Variants in FBXO11 observed in about 807,000 individuals in gnomAD.
FBXO11 encodes F-box protein 11, also known as F-box only protein 11.
Under a neutral mutation model 117.0 loss-of-function variants are expected in FBXO11, and 13 were observed. That is an observed-to-expected ratio of 0.11 (90% CI 0.07 to 0.18). FBXO11 has a LOEUF of 0.18. Ranked by LOEUF, FBXO11 falls within the 10% of genes least tolerant of loss-of-function variation. The pLI, the probability that FBXO11 is intolerant of heterozygous loss-of-function variation, is 1.00. For synonymous variants in FBXO11, 490 were observed against 380.5 expected, an observed-to-expected ratio of 1.29 and a Z score of -3.35; for missense variants, 767 against 1,164.4, an observed-to-expected ratio of 0.66 and a Z score of 4.97.
intron 22 of FBXO11, 29 bp from the exon 23 acceptor site, chr2:47,808,276 A>G: frequency 1.2e-6 from 2 of 1,612,804 alleles, no homozygotes; most frequent in South Asian, 1.1e-5. Context: ...CAAATATTAG[A>G]AAAGTGAGGG....
At chr2:47,872,680 A>T (rs529999906) in intron 1 of FBXO11, among the ~76,000 whole-genome samples, 3 of 152,260 alleles carry the variant, frequency 2.0e-5, no homozygotes, top group African/African-American at 7.2e-5. Flanking sequence ...ACTTTATTAC[A>T]AGTACACAGT....
chr2:47,886,707 C>T (rs1347905029), intron 1 of FBXO11, among the ~76,000 whole-genome samples: 2 of 152,006 alleles, frequency 1.3e-5, no homozygotes, highest in Non-Finnish European at 2.9e-5. Flanking sequence ...TCTATTTATA[C>T]TGATACAGAA....
chr2:47,864,156 G>A (rs2103772996), intron 1 of FBXO11, among the ~76,000 whole-genome samples: 1 of 152,250 alleles, frequency 6.6e-6, no homozygotes. Context: ...ACATAACTAT[G>A]GTAGTTAAAC....
At chr2:47,876,038 T>A (rs2103864947) in intron 1 of FBXO11, among the ~76,000 whole-genome samples, 1 of 152,328 alleles carries the variant, frequency 6.6e-6, no homozygotes. Context: ...CAATTATACA[T>A]AAGGAAATTT....
intron 1 of FBXO11, among the ~76,000 whole-genome samples, chr2:47,899,126 T>C (rs988739122): frequency 1.6e-4 from 24 of 151,698 alleles, no homozygotes; most frequent in Non-Finnish European, 2.9e-4. Flanking sequence ...TACAAAAAAT[T>C]AGCCGGGCGT....
intron 1 of FBXO11, among the ~76,000 whole-genome samples, chr2:47,890,821 AATATTAT>A (rs1677204948): frequency 6.6e-6 from 1 of 151,454 alleles, no homozygotes; most frequent in East Asian, 1.9e-4. Flanking sequence ...GAAAAAAAAA[AATATTAT>A]TATTATTGAG....
intron 1 of FBXO11, among the ~76,000 whole-genome samples, chr2:47,893,350 G>A (rs1485649676): frequency 1.4e-5 from 2 of 147,954 alleles, no homozygotes; most frequent in East Asian, 1.9e-4. Flanking sequence ...ACATGTGTAT[G>A]TGCATATATA....
At chr2:47,890,537 G>A (rs1034139061) in intron 1 of FBXO11, among the ~76,000 whole-genome samples, 1 of 152,218 alleles carries the variant, frequency 6.6e-6, no homozygotes. Context: ...GGGCACGGTG[G>A]CTCACACCTG....
intron 4 of FBXO11, among the ~76,000 whole-genome samples, chr2:47,837,719 T>C (rs984533185): frequency 6.6e-6 from 1 of 152,156 alleles, no homozygotes; most frequent in Non-Finnish European, 1.5e-5. Flanking sequence ...ATATAGCATA[T>C]ACAATTTTGT....
rs993302095 is a variant in FBXO11 at position 47,827,921 on chromosome 2, T to A, written c.1398+4428A>T. Among the ~76,000 whole-genome samples, 29 of 151,880 alleles carry A rather than the reference T, an allele frequency of 1.9e-4. 1 individual carries two copies. Among genetic ancestry groups the A allele is most frequent in the African/African-American group, 6.8e-4 (28 of 41,380 alleles). ...CAAGTTAGCCAGGCTGGTCTCGAAC[T>A]CCTGGCCTCAAGTGATCCACCTGCC... On this transcript the variant is annotated intron_variant, in intron 11 of 22. Transcript: ENST00000403359.
intron 16 of FBXO11, among the ~76,000 whole-genome samples, chr2:47,816,743 AT>A (rs1273120225): frequency 6.6e-6 from 1 of 152,188 alleles, no homozygotes. Flanking sequence ...TGCATTGTCA[AT>A]GAGCAGTAAT....
At position 47,807,048 on chromosome 2, in the gene FBXO11, CTA is replaced by C. The variant is rs774349290; in HGVS notation, c.*1068_*1069del. 3 of 602,340 alleles carry C rather than the reference CTA, an allele frequency of 5.0e-6. No homozygotes were observed. Among genetic ancestry groups the C allele is most frequent in the Non-Finnish European group, 8.7e-6 (3 of 343,498 alleles). 37.3% of individuals were successfully genotyped at this position (602,340 alleles called of 1,614,324 possible). ...TTGAATACTCCACAATATATTAAGTCTAGATGTTATGGTACATGCATACACTT... is the reference window on the plus strand; with the variant it reads ...TTGAATACTCCACAATATATTAAGTCGATGTTATGGTACATGCATACACTT... On this transcript the variant is annotated 3_prime_UTR_variant, in exon 23 of 23. Transcript: ENST00000403359.
chr2:47,883,286 T>C (rs527281245), intron 1 of FBXO11, among the ~76,000 whole-genome samples: 1 of 152,136 alleles, frequency 6.6e-6, no homozygotes. Context: ...AGGAAGGAAA[T>C]AACAGGCTTC....
chr2:47,835,004 C>G (rs1045950775), intron 5 of FBXO11, 133 bp from the exon 6 acceptor site: 44 of 684,576 alleles, frequency 6.4e-5, no homozygotes, highest in Non-Finnish European at 9.7e-5. Flanking sequence ...AATTTTCTGT[C>G]AGAGTACAAT....
At position 47,820,050 on chromosome 2, in the gene FBXO11, C is replaced by T. The variant is rs74843016; in HGVS notation, c.1797+312G>A. Among the ~76,000 whole-genome samples the T allele has an allele frequency of 6.2e-4, 94 of 152,316 alleles. No individual in the cohort carries two copies. The East Asian group carries it at 0.013, about 22-fold the overall frequency. On this transcript the variant is annotated intron_variant, in intron 14 of 22. Coordinates refer to ENST00000403359, the MANE Select transcript of FBXO11 (RefSeq NM_001190274.2). ...ATTCTGGTGTAACAAATATAATAGA[C>T]TGCAAATGAACTGCTGCTGAGGCTA...
intron 1 of FBXO11, among the ~76,000 whole-genome samples, chr2:47,850,659 G>C (rs1673791028): frequency 6.6e-6 from 1 of 152,180 alleles, no homozygotes; most frequent in African/African-American, 2.4e-5. Flanking sequence ...AAAAATGTCT[G>C]TGGGCCCAGA....
At position 47,834,821 on chromosome 2, in the gene FBXO11, G is replaced by A; in HGVS notation, c.768C>T (p.Asn256=). ...TTTCTCTTCCTTTATATCTTGCAGG[G>A]TTACTGTAGAAATGTTCAGCAAATC... ...KPGFAEHFYS[N]PARYKGRENM... Residue 256 remains asparagine (N), a synonymous_variant, in exon 6 of 23, where the codon AAC becomes AAT. Coordinates refer to ENST00000403359, the MANE Select transcript of FBXO11 (RefSeq NM_001190274.2). The A allele has an allele frequency of 1.2e-6, 2 of 1,613,388 alleles. No homozygotes were observed. Among genetic ancestry groups the A allele is most frequent in the Non-Finnish European group, 1.7e-6 (2 of 1,179,768 alleles).
intron 1 of FBXO11, among the ~76,000 whole-genome samples, chr2:47,845,176 C>T (rs966766147): frequency 1.5e-5 from 2 of 130,772 alleles, no homozygotes; most frequent in African/African-American, 2.8e-5. Flanking sequence ...CTTTGCTTCT[C>T]ACCAAAGACA....
At chr2:47,816,330 C>T (rs1671006726) in intron 16 of FBXO11, among the ~76,000 whole-genome samples, 1 of 152,112 alleles carries the variant, frequency 6.6e-6, no homozygotes, top group Non-Finnish European at 1.5e-5. Flanking sequence ...CAGGCGCATG[C>T]CACCATGCCT....
Sources: allele counts gnomAD v4.1 joint callset (sites outside exome capture counted in the v4.1 genomes callset), GRCh38; gene constraint gnomAD v4.1.1; transcripts MANE v1.5; gene names NCBI Gene and HGNC (gene_info 2026-07-23, HGNC 2026-07-21).